The following KDM2A variants were observed in gnomAD, a reference collection of about 807,000 sequenced individuals.
KDM2A encodes the protein lysine-specific demethylase 2A.
In KDM2A, 3 loss-of-function variants were observed where a neutral mutation model predicts 137.3. The observed-to-expected ratio is 0.02, with a 90% CI of 0.01 to 0.06. The LOEUF is 0.06. Among genes scored for constraint, KDM2A ranks in the 10% least tolerant of loss-of-function variants. KDM2A has a pLI of 1.00. For synonymous variants in KDM2A, 512 were observed against 541.5 expected (o/e 0.95, Z 0.76); for missense variants, 738 against 1,510.6 (o/e 0.49, Z 8.48).
At chr11:67,148,130 A>G (rs1300643230) in intron 2 of KDM2A, among the ~76,000 whole-genome samples, 2 of 152,034 alleles carry the variant, frequency 1.3e-5, no homozygotes, top group Non-Finnish European at 2.9e-5. Context: ...CCTTTAAGAA[A>G]ACTTTGGGGC....
chr11:67,200,910 A>G (rs1289383183), intron 5 of KDM2A, among the ~76,000 whole-genome samples: 1 of 151,978 alleles, frequency 6.6e-6, no homozygotes, highest in East Asian at 1.9e-4. Flanking sequence ...AATATATTTC[A>G]TGGCCTGGCA....
chr11:67,127,249 C>G (rs1450184465), intron 2 of KDM2A, among the ~76,000 whole-genome samples: 1 of 152,108 alleles, frequency 6.6e-6, no homozygotes, highest in East Asian at 1.9e-4. Context: ...GCATGTGCCA[C>G]CATGCCTGGC....
chr11:67,129,339 A>T (rs1855798542), intron 2 of KDM2A, among the ~76,000 whole-genome samples: 1 of 152,246 alleles, frequency 6.6e-6, no homozygotes, highest in Non-Finnish European at 1.5e-5. Context: ...CTGTAATCCC[A>T]GCACTTTGGG....
intron 2 of KDM2A, among the ~76,000 whole-genome samples, chr11:67,166,925 C>T (rs1856761514): frequency 6.6e-6 from 1 of 151,898 alleles, no homozygotes; most frequent in African/African-American, 2.4e-5. Flanking sequence ...AAAAATACAA[C>T]AAATTAGCCA....
At chr11:67,216,711 A>G (rs1271391914) in intron 8 of KDM2A, among the ~76,000 whole-genome samples, 1 of 151,810 alleles carries the variant, frequency 6.6e-6, no homozygotes, top group East Asian at 1.9e-4. Context: ...AGCTGAGGTC[A>G]GGAGTTCAAG....
At chr11:67,216,646 C>T (rs1396122875) in intron 8 of KDM2A, among the ~76,000 whole-genome samples, 3 of 152,236 alleles carry the variant, frequency 2.0e-5, no homozygotes, top group Non-Finnish European at 4.4e-5. Context: ...CTTGGCCAGG[C>T]ATGGTGGCTC....
At chr11:67,247,304 G>A (rs1318417118) in intron 15 of KDM2A, among the ~76,000 whole-genome samples, 4 of 149,354 alleles carry the variant, frequency 2.7e-5, no homozygotes, top group South Asian at 2.1e-4. Flanking sequence ...TGGCCAGGCC[G>A]GTCTCGAACT....
At chr11:67,232,894 G>C (rs1197006573) in intron 12 of KDM2A, among the ~76,000 whole-genome samples, 1 of 151,854 alleles carries the variant, frequency 6.6e-6, no homozygotes, top group Non-Finnish European at 1.5e-5. Context: ...ATTTTTGATA[G>C]AGATGGGGTT....
chr11:67,169,797 A>C (rs1590744538), intron 2 of KDM2A, among the ~76,000 whole-genome samples: 1 of 96,308 alleles, frequency 1.0e-5, no homozygotes, highest in Admixed American at 1.6e-4. Flanking sequence ...TCACTCTGTC[A>C]CTCAGGCTAG....
At chr11:67,239,407 G>A (rs148858316) in intron 12 of KDM2A, among the ~76,000 whole-genome samples, 1 of 152,292 alleles carries the variant, frequency 6.6e-6, no homozygotes, top group Non-Finnish European at 1.5e-5. Flanking sequence ...AGATGTAGTT[G>A]ATGTTAGCCG....
intron 2 of KDM2A, among the ~76,000 whole-genome samples, chr11:67,147,323 A>G (rs1359649644): frequency 6.6e-6 from 1 of 151,954 alleles, no homozygotes; most frequent in Admixed American, 6.6e-5. Context: ...CGGGCCAGTC[A>G]TGAGGTCAGG....
chr11:67,126,246 C>CAA (rs112684494), intron 2 of KDM2A, among the ~76,000 whole-genome samples: 13 of 76,856 alleles, frequency 1.7e-4, no homozygotes, highest in Non-Finnish European at 2.7e-4. Flanking sequence ...AACTCCGTCT[C>CAA]AAAAAAAAAA....
intron 5 of KDM2A, among the ~76,000 whole-genome samples, chr11:67,183,157 T>C (rs983898845): frequency 2.0e-5 from 3 of 152,218 alleles, no homozygotes; most frequent in African/African-American, 7.2e-5. Flanking sequence ...ATGTATTCCT[T>C]AGTACCTAGC....
At chr11:67,181,482 C>T in intron 4 of KDM2A, 84 bp downstream of exon 4, 1 of 809,526 alleles carries the variant, frequency 1.2e-6, no homozygotes, top group South Asian at 1.8e-5. Flanking sequence ...TATTGATAAC[C>T]CAAAACAATA....
chr11:67,184,425 C>T (rs1185863511), intron 5 of KDM2A, among the ~76,000 whole-genome samples: 1 of 151,994 alleles, frequency 6.6e-6, no homozygotes, highest in African/African-American at 2.4e-5. Flanking sequence ...GTCAGGAGTT[C>T]GAGACCAGCC....
At chr11:67,157,372 C>T (rs61891343) in intron 2 of KDM2A, among the ~76,000 whole-genome samples, 3,389 of 148,642 alleles carry the variant, frequency 0.023, 47 homozygotes, top group East Asian at 0.057. Flanking sequence ...AATAGTCTTT[C>T]GTGTGTGAGT....
intron 2 of KDM2A, among the ~76,000 whole-genome samples, chr11:67,177,032 C>T (rs891472105): frequency 1.8e-4 from 28 of 151,894 alleles, no homozygotes; most frequent in Non-Finnish European, 3.5e-4. Flanking sequence ...CTGAGGTGGG[C>T]GGATCACCTG....
chr11:67,152,377 G>A (rs746923194), intron 2 of KDM2A, among the ~76,000 whole-genome samples: 6 of 151,934 alleles, frequency 3.9e-5, no homozygotes, highest in Non-Finnish European at 7.4e-5. Context: ...AGTATTTTGC[G>A]AGGCTGAGGT....
At chr11:67,241,743 G>A (rs926228454) in intron 12 of KDM2A, among the ~76,000 whole-genome samples, 1 of 151,660 alleles carries the variant, frequency 6.6e-6, no homozygotes, top group African/African-American at 2.4e-5. Flanking sequence ...CATTATACTA[G>A]AAGATTTGGG....
Sources: gnomAD v4.1 joint callset for allele counts (sites outside exome capture counted in the v4.1 genomes callset) on GRCh38, gnomAD v4.1.1 for gene constraint, MANE v1.5 for transcripts, NCBI Gene and HGNC (gene_info 2026-07-23, HGNC 2026-07-21) for gene names.